Variants in ZNF345 observed in about 807,000 individuals in gnomAD.
ZNF345 encodes the protein zinc finger protein HZF10.
For synonymous variants in ZNF345, 166 were observed against 187.9 expected, an observed-to-expected ratio of 0.88 and a Z score of 0.95; for missense variants, 527 against 589.9, an observed-to-expected ratio of 0.89 and a Z score of 1.10.
intron 3 of ZNF345, chr19:36,890,925 C>A (rs2073044797): frequency 6.6e-6 from 1 of 152,250 alleles, no homozygotes; most frequent in Middle Eastern, 3.4e-3. Flanking sequence ...ATATATTAGA[C>A]AAAATCATTC....
In ZNF345 at chr19:36,892,121, T is replaced by C. The variant is rs376947168; in HGVS notation, c.47-697T>C. On this transcript the variant is annotated intron_variant, in intron 3 of 3. Transcript: ENST00000526123. Reference sequence around the variant, plus strand: ...CTCTGATGTTGAGAAAAATATGAACTACAACTAAAAGCCTTGCCACATTCC... The same window carrying C: ...CTCTGATGTTGAGAAAAATATGAACCACAACTAAAAGCCTTGCCACATTCC... 81 of 1,614,020 alleles carry C rather than the reference T, an allele frequency of 5.0e-5. No individual in the cohort carries two copies. The Middle Eastern group carries it at 6.6e-4, about 13-fold the overall frequency.
chr19:36,893,112 T>C (rs2073077291), downstream of ZNF345: 5 of 397,638 alleles, frequency 1.3e-5, no homozygotes, highest in East Asian at 1.8e-4. Context: ...GAATAACAAA[T>C]GTGTTGAAAG....
At chr19:36,891,493 C>T in intron 3 of ZNF345, 1 of 1,541,964 alleles carries the variant, frequency 6.5e-7, no homozygotes, top group Non-Finnish European at 8.7e-7. Context: ...TACTGTCATT[C>T]AACCAGTATG....
chr19:36,853,385 A>G (rs2072333137), intron 2 of ZNF345, among the ~76,000 whole-genome samples: 1 of 151,282 alleles, frequency 6.6e-6, no homozygotes, highest in South Asian at 2.1e-4. Context: ...AGTAGCTGGG[A>G]TTACAGGCAT....
rs1377221218 is a variant in ZNF345 at position 36,877,970 on chromosome 19, T to TAG, written c.1141_1142dup (p.Ser381ArgfsTer11). On this transcript the variant is annotated frameshift_variant, in exon 3 of 3. Transcript: ENST00000420450. LOFTEE classifies it low-confidence loss of function (END_TRUNC). ...GTAAGGAATGTGGGAAGGCCTTTGG[T>TAG]AGTGGCTCAAAACTTATCCAACACC... 6.2e-6 allele frequency: 10 copies of TAG among 1,613,912 alleles called. No homozygotes were observed. The Admixed American group carries it at 1.3e-4, about 22-fold the overall frequency.
chr19:36,877,688 T>C lies in ZNF345; in HGVS notation c.858T>C (p.Tyr286=). 1.1e-5 allele frequency: 18 copies of C among 1,614,178 alleles called. No individual in the cohort carries two copies. Among genetic ancestry groups the C allele is most frequent in the Non-Finnish European group, 1.4e-5 (17 of 1,180,022 alleles). Residue 286 remains tyrosine, a synonymous_variant, in exon 3 of 3, where the codon TAT becomes TAC. Transcript: ENST00000420450. ...HQRIHTGEKP[Y]VCKECGKAFN... ...GAATTCATACTGGTGAGAAACCTTA[T>C]GTATGTAAGGAATGTGGGAAGGCTT...
intron 2 of ZNF345, among the ~76,000 whole-genome samples, chr19:36,869,343 C>T (rs1600707028): frequency 6.6e-6 from 1 of 152,220 alleles, no homozygotes; most frequent in Non-Finnish European, 1.5e-5. Flanking sequence ...GACCTATACA[C>T]AGTTTCTATG....
intron 2 of ZNF345, among the ~76,000 whole-genome samples, chr19:36,870,802 G>A (rs918630797): frequency 6.6e-6 from 1 of 152,028 alleles, no homozygotes; most frequent in Non-Finnish European, 1.5e-5. Flanking sequence ...ATATGTAAAT[G>A]TAAATCATCT....
At chr19:36,859,486 CTTTT>C (rs1359393338) in intron 2 of ZNF345, among the ~76,000 whole-genome samples, 1 of 150,958 alleles carries the variant, frequency 6.6e-6, no homozygotes, top group Non-Finnish European at 1.5e-5. Flanking sequence ...TTCACCAGTT[CTTTT>C]GTTTTTTTTT....
downstream of ZNF345, among the ~76,000 whole-genome samples, chr19:36,883,282 G>A (rs917417193): frequency 1.3e-5 from 2 of 152,124 alleles, no homozygotes; most frequent in Non-Finnish European, 2.9e-5. Context: ...CTCAAACTCT[G>A]TTGCTCTTTC....
chr19:36,887,253 G>A (rs1251024023), intron 3 of ZNF345, among the ~76,000 whole-genome samples: 2 of 152,068 alleles, frequency 1.3e-5, no homozygotes, highest in East Asian at 1.9e-4. Context: ...AACCTAAGGG[G>A]AAATGATGAC....
intron 2 of ZNF345, among the ~76,000 whole-genome samples, chr19:36,852,370 T>G (rs1218042422): frequency 2.0e-5 from 3 of 152,058 alleles, no homozygotes; most frequent in African/African-American, 7.2e-5. Context: ...CCCAGCACTT[T>G]GGGGGGCCAA....
chr19:36,875,391 T>A (rs988401770), intron 2 of ZNF345, among the ~76,000 whole-genome samples: 13 of 152,114 alleles, frequency 8.5e-5, no homozygotes, highest in Non-Finnish European at 2.9e-5. Flanking sequence ...AGGGGGACAT[T>A]TCAGGCAGAT....
chr19:36,883,092 G>T (rs578186028), downstream of ZNF345, among the ~76,000 whole-genome samples: 1 of 152,128 alleles, frequency 6.6e-6, no homozygotes. Context: ...TGTTGTGTCA[G>T]CTTGTTCTAG....
At chr19:36,891,928 C>G (rs2146223597) in intron 3 of ZNF345, 1 of 1,614,060 alleles carries the variant, frequency 6.2e-7, no homozygotes, top group Non-Finnish European at 8.5e-7. Context: ...AGTATGAATT[C>G]TCAGATGTAG....
intron 2 of ZNF345, among the ~76,000 whole-genome samples, chr19:36,869,661 A>AG (rs1418120418): frequency 3.3e-5 from 5 of 152,226 alleles, no homozygotes; most frequent in Non-Finnish European, 5.9e-5. Flanking sequence ...ACCCTAGGAC[A>AG]AAGACCTGAC....
chr19:36,885,116 G>A (rs1400193575), intron 3 of ZNF345, among the ~76,000 whole-genome samples: 1 of 151,862 alleles, frequency 6.6e-6, no homozygotes, highest in Non-Finnish European at 1.5e-5. Flanking sequence ...TTTGCTGTAT[G>A]TCCTCTTCAC....
rs2072955490 is a variant in ZNF345 at position 36,879,552 on chromosome 19, A to C, written c.*1255A>C. ...AAACCCCAATTTTGTCAAATATTAA[A>C]AATTTTGCCATTATAAACACTTACC... On this transcript the variant is annotated 3_prime_UTR_variant, in exon 3 of 3. Transcript: ENST00000420450. 1 of 166,922 alleles carries C rather than the reference A, an allele frequency of 6.0e-6. No homozygotes were observed. The highest frequency in any genetic ancestry group is 2.4e-5 in the African/African-American group (1 of 41,470). 10.3% of individuals were successfully genotyped at this position (166,922 alleles called of 1,614,324 possible). A position where few individuals can be genotyped will look rare whatever the true frequency, so the allele number is the denominator to read the frequency against.
intron 2 of ZNF345, among the ~76,000 whole-genome samples, chr19:36,856,343 C>T (rs1265091998): frequency 1.3e-5 from 2 of 152,094 alleles, no homozygotes; most frequent in African/African-American, 4.8e-5. Context: ...AATTTTTTCT[C>T]ATTTACCTGG....
Sources: allele counts gnomAD v4.1 joint callset (sites outside exome capture counted in the v4.1 genomes callset), GRCh38; gene constraint gnomAD v4.1.1; transcripts MANE v1.5; gene names NCBI Gene and HGNC (gene_info 2026-07-23, HGNC 2026-07-21).